Variants in RBMS3 observed in about 807,000 individuals in gnomAD.
RBMS3 encodes the protein RNA-binding motif, single-stranded-interacting protein 3.
Under a neutral mutation model 66.8 loss-of-function variants are expected in RBMS3, and 27 were observed. That is an observed-to-expected ratio of 0.40 (90% confidence interval 0.30 to 0.56). RBMS3 has a LOEUF of 0.56. RBMS3 is among the 20% of genes least tolerant of loss of function. The pLI is 0.40. For synonymous variants in RBMS3, 188 were observed against 183.0 expected, an observed-to-expected ratio of 1.03 and a Z score of -0.22; for missense variants, 513 against 549.5, an observed-to-expected ratio of 0.93 and a Z score of 0.66.
intron 3 of RBMS3, among the ~76,000 whole-genome samples, chr3:29,554,440 C>A (rs1444612758): frequency 6.6e-6 from 1 of 152,126 alleles, no homozygotes; most frequent in Admixed American, 6.6e-5. Flanking sequence ...AGGAGGCAGA[C>A]ATAACAAACA....
At chr3:29,628,352 T>C (rs1374063942) in intron 4 of RBMS3, among the ~76,000 whole-genome samples, 1 of 152,214 alleles carries the variant, frequency 6.6e-6, no homozygotes, top group African/African-American at 2.4e-5. Context: ...TTTCCTCTTA[T>C]AAAACTGGCT....
chr3:29,581,272 A>G (rs1227229175), intron 3 of RBMS3, among the ~76,000 whole-genome samples: 1 of 152,222 alleles, frequency 6.6e-6, no homozygotes, highest in East Asian at 1.9e-4. Context: ...TGCAATAAAT[A>G]TATCAATGCT....
At chr3:29,314,644 G>T (rs1017311708) in intron 1 of RBMS3, among the ~76,000 whole-genome samples, 4 of 151,616 alleles carry the variant, frequency 2.6e-5, no homozygotes, top group African/African-American at 9.7e-5. Flanking sequence ...GTGCACAGGG[G>T]TGGAGGGAAC....
intron 12 of RBMS3, among the ~76,000 whole-genome samples, chr3:29,952,707 T>C (rs1452293004): frequency 6.6e-6 from 1 of 151,838 alleles, no homozygotes; most frequent in East Asian, 1.9e-4. Flanking sequence ...ACCCAAGATA[T>C]TGTTTATTCT....
chr3:29,926,248 T>C (rs1160205774), intron 10 of RBMS3, among the ~76,000 whole-genome samples: 1 of 152,180 alleles, frequency 6.6e-6, no homozygotes, highest in Non-Finnish European at 1.5e-5. Context: ...ATTAGTTCTT[T>C]AATAGGGTCG....
intron 4 of RBMS3, among the ~76,000 whole-genome samples, chr3:29,661,501 T>A (rs2149229920): frequency 6.6e-6 from 1 of 152,330 alleles, no homozygotes; most frequent in South Asian, 2.1e-4. Flanking sequence ...AGCAGTGTCT[T>A]AGGATTCCTG....
At chr3:29,646,417 T>C (rs545162345) in intron 4 of RBMS3, among the ~76,000 whole-genome samples, 9 of 152,322 alleles carry the variant, frequency 5.9e-5, no homozygotes, top group Non-Finnish European at 1.0e-4. Flanking sequence ...ACACTTGTAA[T>C]TGCATCTCAT....
intron 2 of RBMS3, among the ~76,000 whole-genome samples, chr3:29,456,596 A>G (rs2042198789): frequency 6.6e-6 from 1 of 152,222 alleles, no homozygotes; most frequent in African/African-American, 2.4e-5. Context: ...ATCAGGATTC[A>G]TTAAGATGCC....
chr3:29,882,118 C>G (rs1456372201), intron 7 of RBMS3, among the ~76,000 whole-genome samples: 3 of 152,064 alleles, frequency 2.0e-5, no homozygotes, highest in Non-Finnish European at 4.4e-5. Flanking sequence ...AAATCTAATT[C>G]CAAATGGACA....
intron 1 of RBMS3, among the ~76,000 whole-genome samples, chr3:29,375,326 A>C (rs913617781): frequency 1.3e-5 from 2 of 152,198 alleles, no homozygotes; most frequent in African/African-American, 4.8e-5. Flanking sequence ...AGACACCAAA[A>C]GCAATTGTGA....
chr3:29,986,332 T>C (rs917043973), intron 12 of RBMS3, among the ~76,000 whole-genome samples: 1 of 152,212 alleles, frequency 6.6e-6, no homozygotes, highest in African/African-American at 2.4e-5. Flanking sequence ...TAAGCAAAAC[T>C]AATTAATGAT....
At chr3:29,410,287 A>G (rs2040206881) in intron 1 of RBMS3, among the ~76,000 whole-genome samples, 1 of 152,210 alleles carries the variant, frequency 6.6e-6, no homozygotes, top group Non-Finnish European at 1.5e-5. Flanking sequence ...CCTTCTAACA[A>G]ATATCACCTA....
At chr3:29,471,454 A>C (rs1167728118) in intron 2 of RBMS3, among the ~76,000 whole-genome samples, 1 of 152,204 alleles carries the variant, frequency 6.6e-6, no homozygotes, top group East Asian at 1.9e-4. Context: ...CCCCACGATT[A>C]AAGTTAAGAC....
At chr3:29,506,633 G>A (rs2044190912) in intron 3 of RBMS3, among the ~76,000 whole-genome samples, 1 of 151,910 alleles carries the variant, frequency 6.6e-6, no homozygotes, top group South Asian at 2.1e-4. Context: ...CAATTTTTTG[G>A]AAGTCTTGTT....
intron 2 of RBMS3, among the ~76,000 whole-genome samples, chr3:29,475,283 C>T (rs1323274863): frequency 6.7e-6 from 1 of 148,760 alleles, no homozygotes; most frequent in Non-Finnish European, 1.5e-5. Flanking sequence ...GAGTCTTGCT[C>T]TGTCACCCAG....
intron 3 of RBMS3, among the ~76,000 whole-genome samples, chr3:29,517,271 ATG>A (rs58702096): frequency 0.044 from 5,658 of 129,540 alleles, 221 homozygotes; most frequent in East Asian, 0.16. Context: ...GATTTCATAT[ATG>A]TGTGTGTGTG....
intron 2 of RBMS3, among the ~76,000 whole-genome samples, chr3:29,480,805 A>C (rs1195146588): frequency 6.6e-6 from 1 of 152,206 alleles, no homozygotes; most frequent in Non-Finnish European, 1.5e-5. Flanking sequence ...GCAGAGGGGA[A>C]AGAGCCCTGG....
At chr3:29,321,985 T>C (rs1348444150) in intron 1 of RBMS3, among the ~76,000 whole-genome samples, 2 of 152,288 alleles carry the variant, frequency 1.3e-5, no homozygotes, top group East Asian at 3.9e-4. Flanking sequence ...ATCCCAATCA[T>C]GCCCTTAATA....
At chr3:29,666,988 G>C (rs2149239745) in intron 4 of RBMS3, among the ~76,000 whole-genome samples, 1 of 152,154 alleles carries the variant, frequency 6.6e-6, no homozygotes, top group South Asian at 2.1e-4. Context: ...AATAAAAACA[G>C]TTTTACTGCC....
Sources: allele counts gnomAD v4.1 joint callset (sites outside exome capture counted in the v4.1 genomes callset), GRCh38; gene constraint gnomAD v4.1.1; transcripts MANE v1.5; gene names NCBI Gene and HGNC (gene_info 2026-07-23, HGNC 2026-07-21).